ARHGEF6: variants seen among roughly 807,000 people sequenced by gnomAD.
ARHGEF6 encodes the protein Rac/Cdc42 guanine nucleotide exchange factor 6.
A neutral mutation model predicts 70.3 loss-of-function variants in ARHGEF6; 9 were observed. The ratio of observed to expected loss-of-function variants is 0.13; its 90% confidence interval spans 0.08 to 0.22. The LOEUF (loss-of-function observed/expected upper bound fraction) is 0.22, where lower values mean the gene tolerates loss of function less well. Among genes scored for constraint, ARHGEF6 ranks in the 10% least tolerant of loss-of-function variants. ARHGEF6 has a pLI of 1.00. For synonymous variants in ARHGEF6, 201 were observed against 207.8 expected (o/e 0.97, Z 0.28); for missense variants, 470 against 563.0 (o/e 0.83, Z 1.67).
chrX:136,759,787 T>C (rs1286228051), intron 2 of ARHGEF6, among the ~76,000 whole-genome samples: 1 of 112,172 alleles, frequency 8.9e-6, no homozygotes, highest in Non-Finnish European at 1.9e-5. Context: ...ATTCCTTCTT[T>C]TCCCTGTTGC....
At chrX:136,692,177 G>T (rs2076465452) in intron 9 of ARHGEF6, among the ~76,000 whole-genome samples, 1 of 111,734 alleles carries the variant, frequency 8.9e-6, no homozygotes. Context: ...CACATATGTT[G>T]GGCTGGGAAT....
chrX:136,686,711 T>TATATATATAC (rs1569394207), intron 11 of ARHGEF6, among the ~76,000 whole-genome samples: 11 of 9,563 alleles, frequency 1.2e-3, no homozygotes, highest in Non-Finnish European at 1.6e-3. Context: ...TATATATACA[T>TATATATATAC]ATATATATAT....
intron 2 of ARHGEF6, among the ~76,000 whole-genome samples, chrX:136,769,239 C>CAATT (rs2077346151): frequency 1.8e-5 from 2 of 110,284 alleles, no homozygotes; most frequent in African/African-American, 6.6e-5. Flanking sequence ...GGGCGAAACC[C>CAATT]TGTCTCTACT....
chrX:136,679,388 T>C lies in ARHGEF6; in HGVS notation c.1830+147A>G, dbSNP rs2034115758. The C allele has an allele frequency of 5.5e-6, 4 of 728,633 alleles. No homozygotes were observed. In the Admixed American group the frequency reaches 8.2e-5, roughly 15 times the overall value. 60.0% of individuals were successfully genotyped at this position (728,633 alleles called of 1,213,427 possible). A position where few individuals can be genotyped will look rare whatever the true frequency, so the allele number is the denominator to read the frequency against. On this transcript the variant is annotated intron_variant, in intron 16 of 21. Transcript: ENST00000250617. ...CAATGGGAAATGGAAAATTAAGAAA[T>C]CAAACAAATCACTGAGTCTGGCAAT... is the stretch of plus-strand genomic sequence containing the variant.
rs187161702 is a variant in ARHGEF6 at position 136,667,548 on chromosome X, C to A, written c.*481G>T. 19 of 134,461 alleles carry A rather than the reference C, an allele frequency of 1.4e-4. No homozygotes were observed. In the Admixed American group the frequency reaches 1.5e-3, roughly 11 times the overall value. The allele number at this position is 134,461 out of a possible 1,213,427, so 11.1% of individuals were successfully genotyped here. A position where few individuals can be genotyped will look rare whatever the true frequency, so the allele number is the denominator to read the frequency against. ...CTTCGGTAAATTAAGTACTAAGAGG[C>A]TTGCAGGTACAGGAAAGCCCTGGGG... On this transcript the variant is annotated 3_prime_UTR_variant, in exon 22 of 22. Transcript: ENST00000250617.
intron 3 of ARHGEF6, among the ~76,000 whole-genome samples, chrX:136,747,169 C>T (rs1026086120): frequency 1.8e-5 from 2 of 111,122 alleles, no homozygotes; most frequent in South Asian, 3.7e-4. Flanking sequence ...AGGGAAGTGA[C>T]GGCTGTATTT....
intron 21 of ARHGEF6, among the ~76,000 whole-genome samples, chrX:136,668,530 C>CTTATTATTATTATTATTATTATTA (rs1249508000): frequency 1.0e-5 from 1 of 99,987 alleles, no homozygotes; most frequent in African/African-American, 4.1e-5. Flanking sequence ...TCTTCTTCTT[C>CTTATTATTATTATTATTATTATTA]TTCTTATTAT....
chrX:136,717,200 AAAG>A (rs1428860878), intron 6 of ARHGEF6, among the ~76,000 whole-genome samples: 1 of 112,028 alleles, frequency 8.9e-6, no homozygotes, highest in Non-Finnish European at 1.9e-5. Flanking sequence ...AATAAAGAAA[AAAG>A]TATTGAAAGA....
chrX:136,758,169 G>C lies in ARHGEF6; in HGVS notation c.250-10577C>G, dbSNP rs750711717. On this transcript the variant is annotated intron_variant, in intron 2 of 21. Transcript: ENST00000250617. The stretch of plus-strand genomic sequence containing the variant: ...GGGTTCACGCCATTCTCCTGCCTCA[G>C]CCTCCTGAGTAGCTGGGACTACAGG... Among the ~76,000 whole-genome samples, 5 of 97,030 alleles carry C rather than the reference G, an allele frequency of 5.2e-5. No homozygotes were observed. In the South Asian group the frequency reaches 2.1e-3, roughly 41 times the overall value. 84.3% of individuals were successfully genotyped at this position (97,030 alleles called of 115,157 possible).
intron 11 of ARHGEF6, among the ~76,000 whole-genome samples, chrX:136,686,405 T>C (rs1406227205): frequency 9.2e-6 from 1 of 108,124 alleles, no homozygotes; most frequent in Non-Finnish European, 1.9e-5. Flanking sequence ...TGCTGTACTT[T>C]GTTTAAGGAC....
chrX:136,724,783 C>G (rs2076836833), intron 6 of ARHGEF6, among the ~76,000 whole-genome samples: 1 of 112,105 alleles, frequency 8.9e-6, no homozygotes, highest in African/African-American at 3.2e-5. Context: ...AGCAACCATG[C>G]CCAGCTGTCA....
chrX:136,672,166 G>T, intron 19 of ARHGEF6, 47 bp from the exon 20 acceptor site: 1 of 967,041 alleles, frequency 1.0e-6, no homozygotes, highest in Non-Finnish European at 1.5e-6. Flanking sequence ...AGTTACTAGT[G>T]AAGAGTAGAA....
At chrX:136,733,880 T>C (rs764041866) in intron 5 of ARHGEF6, among the ~76,000 whole-genome samples, 62 of 111,845 alleles carry the variant, frequency 5.5e-4, no homozygotes, top group Non-Finnish European at 9.0e-4. Flanking sequence ...ACTGAAGGTC[T>C]TGGTCAATGG....
chrX:136,735,354 G>T (rs892920593), intron 5 of ARHGEF6, among the ~76,000 whole-genome samples: 1 of 110,123 alleles, frequency 9.1e-6, no homozygotes, highest in African/African-American at 3.3e-5. Flanking sequence ...TCCCCACCCC[G>T]ACCCCTACCA....
intron 6 of ARHGEF6, among the ~76,000 whole-genome samples, chrX:136,724,005 C>T (rs866448744): frequency 9.0e-6 from 1 of 110,656 alleles, no homozygotes. Flanking sequence ...AAGGATAGGG[C>T]CCTTTTATAT....
intron 9 of ARHGEF6, among the ~76,000 whole-genome samples, chrX:136,701,711 T>C (rs1197469348): frequency 3.3e-5 from 3 of 90,824 alleles, no homozygotes; most frequent in Non-Finnish European, 4.4e-5. Flanking sequence ...TCTTTTTTTT[T>C]TTTTTTTTTT....
At position 136,750,094 on chromosome X, in the gene ARHGEF6, G is replaced by A. The variant is rs188924190; in HGVS notation, c.250-2502C>T. Reference sequence around the variant, plus strand: ...GACCAAGTTTAGAGATGTTGATGTGGAGAAAGACTAAGGGCTCTGGTCCCC... The same window carrying A: ...GACCAAGTTTAGAGATGTTGATGTGAAGAAAGACTAAGGGCTCTGGTCCCC... On this transcript the variant is annotated intron_variant, in intron 2 of 21. Transcript: ENST00000250617. Among the ~76,000 whole-genome samples, 596 of 111,509 alleles carry A rather than the reference G, an allele frequency of 5.3e-3. 2 individuals are homozygous for A. Among genetic ancestry groups the A allele is most frequent in the Non-Finnish European group, 8.2e-3 (437 of 53,101 alleles).
chrX:136,715,262 C>T (rs1391676860), intron 6 of ARHGEF6, among the ~76,000 whole-genome samples: 3 of 110,047 alleles, frequency 2.7e-5, no homozygotes, highest in East Asian at 5.7e-4. Flanking sequence ...AGTCCAAGCG[C>T]GAGAATGGAA....
intron 2 of ARHGEF6, among the ~76,000 whole-genome samples, chrX:136,771,467 T>C (rs1056381518): frequency 1.8e-5 from 2 of 112,345 alleles, no homozygotes; most frequent in African/African-American, 6.5e-5. Flanking sequence ...ATCAGTTCAA[T>C]GGAGGAATTG....
Sources: gnomAD v4.1 joint callset for allele counts (sites outside exome capture counted in the v4.1 genomes callset) on GRCh38, gnomAD v4.1.1 for gene constraint, MANE v1.5 for transcripts, NCBI Gene and HGNC (gene_info 2026-07-23, HGNC 2026-07-21) for gene names.